Variants in MYRIP observed in about 807,000 individuals in gnomAD.
MYRIP encodes myosin VIIA and Rab interacting protein, also known as rab effector MyRIP.
MYRIP carries 49 observed loss-of-function variants against 98.0 expected under a neutral mutation model. The observed-to-expected ratio is 0.50, with a 90% CI of 0.40 to 0.63. The LOEUF is 0.63. Ranked by LOEUF, MYRIP falls within the 30% of genes least tolerant of loss-of-function variation. MYRIP has a pLI of 0.00. For missense variants in MYRIP, 1,004 were observed against 1,058.2 expected, an observed-to-expected ratio of 0.95 and a Z score of 0.71; for synonymous variants, 404 against 409.5, an observed-to-expected ratio of 0.99 and a Z score of 0.16.
At chr3:40,145,084 A>G (rs1033166903) in intron 3 of MYRIP, among the ~76,000 whole-genome samples, 1 of 152,206 alleles carries the variant, frequency 6.6e-6, no homozygotes, top group Non-Finnish European at 1.5e-5. Flanking sequence ...TAAGTTGGTT[A>G]TTGTCATCAT....
intron 3 of MYRIP, among the ~76,000 whole-genome samples, chr3:40,063,687 G>C (rs1187114561): frequency 1.3e-5 from 2 of 152,166 alleles, no homozygotes; most frequent in African/African-American, 2.4e-5. Context: ...GAACAAACCA[G>C]GTGGGAATTT....
In MYRIP at chr3:40,210,075, C is replaced by T. The variant is rs927952315; in HGVS notation, c.1887C>T (p.Val629=). ...SLSSEDNSQS[V]QEELKKKFSA... ...CCTCTGAAGACAACAGCCAGAGTGT[C>T]CAGGAAGAGCTGAAGAAGGTAAGGG... The change falls in exon 11 of 17, where the codon GTC becomes GTT. Residue 629 remains valine, a synonymous_variant. Transcript: ENST00000302541. 6.2e-7 allele frequency: 1 copy of T among 1,613,834 alleles called. No homozygotes were observed.
intron 10 of MYRIP, among the ~76,000 whole-genome samples, chr3:40,192,040 A>G (rs1251810497): frequency 6.6e-6 from 1 of 151,348 alleles, no homozygotes; most frequent in African/African-American, 2.4e-5. Flanking sequence ...TAGTGGCAGT[A>G]CCCACTCCTC....
At chr3:39,878,472 C>G (rs543087828) in intron 1 of MYRIP, among the ~76,000 whole-genome samples, 1 of 152,108 alleles carries the variant, frequency 6.6e-6, no homozygotes, top group South Asian at 2.1e-4. Context: ...AGAGCTGTTC[C>G]TATTCGGCCA....
intron 2 of MYRIP, among the ~76,000 whole-genome samples, chr3:40,011,048 T>A (rs578239730): frequency 3.3e-4 from 44 of 134,334 alleles, no homozygotes; most frequent in African/African-American, 1.2e-3. Context: ...GTTCCTGCAT[T>A]TCTGATCTAC....
intron 3 of MYRIP, among the ~76,000 whole-genome samples, chr3:40,121,054 G>A (rs1441156204): frequency 2.0e-5 from 3 of 152,076 alleles, no homozygotes; most frequent in African/African-American, 4.8e-5. Flanking sequence ...CTGAGAGATG[G>A]AAAAGTTCAG....
At chr3:40,127,098 T>A (rs1242047366) in intron 3 of MYRIP, among the ~76,000 whole-genome samples, 1 of 152,230 alleles carries the variant, frequency 6.6e-6, no homozygotes, top group Admixed American at 6.5e-5. Context: ...CCATATAGAA[T>A]AACAACCCTT....
At chr3:39,989,673 C>A (rs1234439219) in intron 2 of MYRIP, among the ~76,000 whole-genome samples, 1 of 151,876 alleles carries the variant, frequency 6.6e-6, no homozygotes, top group Non-Finnish European at 1.5e-5. Flanking sequence ...CGCTAGGGCT[C>A]AGGCCCAGGG....
intron 8 of MYRIP, among the ~76,000 whole-genome samples, chr3:40,179,200 T>G (rs1950833056): frequency 6.6e-6 from 1 of 152,196 alleles, no homozygotes; most frequent in Admixed American, 6.5e-5. Flanking sequence ...CACACCTGGG[T>G]CTCAGAACTG....
At chr3:40,063,390 G>C (rs538549600) in intron 3 of MYRIP, among the ~76,000 whole-genome samples, 1 of 152,208 alleles carries the variant, frequency 6.6e-6, no homozygotes, top group East Asian at 1.9e-4. Flanking sequence ...CCTTGTTCTT[G>C]GAAATACACA....
chr3:40,089,066 G>A (rs954469370), intron 3 of MYRIP, among the ~76,000 whole-genome samples: 1 of 152,086 alleles, frequency 6.6e-6, no homozygotes, highest in Non-Finnish European at 1.5e-5. Flanking sequence ...CATTCCCAGG[G>A]AGGCGGCCCC....
At chr3:39,883,802 A>G (rs1943218380) in intron 1 of MYRIP, among the ~76,000 whole-genome samples, 1 of 152,116 alleles carries the variant, frequency 6.6e-6, no homozygotes, top group African/African-American at 2.4e-5. Flanking sequence ...AAACAAAAGG[A>G]TATAAAACCA....
intron 3 of MYRIP, among the ~76,000 whole-genome samples, chr3:40,052,982 A>C (rs914321617): frequency 6.6e-6 from 1 of 152,190 alleles, no homozygotes; most frequent in Admixed American, 6.5e-5. Context: ...TGATATTAGG[A>C]GTAATCATTC....
At position 40,138,181 on chromosome 3, in the gene MYRIP, A is replaced by T. The variant is rs565246654; in HGVS notation, c.333-12867A>T. On this transcript the variant is annotated intron_variant, in intron 3 of 16. Coordinates refer to ENST00000302541, the MANE Select transcript of MYRIP (RefSeq NM_015460.4). ...ATTGCGGCACATATCCCCTCCTAAGAATCACTCATTTGCAGCATTTGGTAC... is the reference window on the plus strand; with the variant it reads ...ATTGCGGCACATATCCCCTCCTAAGTATCACTCATTTGCAGCATTTGGTAC... Among the ~76,000 whole-genome samples, 3 of 152,308 alleles carry T rather than the reference A, an allele frequency of 2.0e-5. No homozygotes were observed. The East Asian group carries it at 5.8e-4, about 29-fold the overall frequency.
At chr3:40,204,107 TAATATATAAATATAGAGTA>T (rs1951703096) in intron 10 of MYRIP, among the ~76,000 whole-genome samples, 1 of 22,880 alleles carries the variant, frequency 4.4e-5, no homozygotes, top group African/African-American at 1.4e-4. Flanking sequence ...ATATATTATA[TAATATATAAATATAGAGTA>T]TTATATAATA....
chr3:39,843,363 G>A (rs1043787768), intron 1 of MYRIP, among the ~76,000 whole-genome samples: 1 of 151,942 alleles, frequency 6.6e-6, no homozygotes, highest in Non-Finnish European at 1.5e-5. Context: ...CTATATTGAG[G>A]CTTCGAAAAA....
At chr3:39,888,664 C>A (rs926479824) in intron 1 of MYRIP, among the ~76,000 whole-genome samples, 14 of 152,200 alleles carry the variant, frequency 9.2e-5, no homozygotes, top group South Asian at 4.1e-4. Flanking sequence ...GCAACAAAAG[C>A]CAAAATTGAC....
At chr3:40,227,522 T>C (rs1952523146) in intron 11 of MYRIP, among the ~76,000 whole-genome samples, 1 of 152,184 alleles carries the variant, frequency 6.6e-6, no homozygotes, top group Admixed American at 6.5e-5. Context: ...TATGAAATTG[T>C]AGTGGCAGGC....
intron 3 of MYRIP, among the ~76,000 whole-genome samples, chr3:40,055,893 T>C (rs1470498561): frequency 1.3e-5 from 2 of 152,270 alleles, no homozygotes; most frequent in East Asian, 1.9e-4. Flanking sequence ...TTTAACTAGA[T>C]AATACAGAAA....
Sources: gnomAD v4.1 joint callset for allele counts (sites outside exome capture counted in the v4.1 genomes callset) on GRCh38, gnomAD v4.1.1 for gene constraint, MANE v1.5 for transcripts, NCBI Gene and HGNC (gene_info 2026-07-23, HGNC 2026-07-21) for gene names.